Variants in PTPRT observed in about 807,000 individuals in gnomAD.
The protein encoded by PTPRT is receptor-type tyrosine-protein phosphatase T.
PTPRT carries 56 observed loss-of-function variants against 176.8 expected under a neutral mutation model. The observed-to-expected ratio is 0.32, with a 90% confidence interval of 0.26 to 0.40. The LOEUF is 0.40. Ranked by LOEUF, PTPRT falls within the 10% of genes least tolerant of loss-of-function variation. The probability of loss-of-function intolerance (pLI) is 1.00; values close to 1 mark genes in which losing one functional copy is unlikely to be tolerated. For synonymous variants in PTPRT, 783 were observed against 739.0 expected, an observed-to-expected ratio of 1.06 and a Z score of -0.96; for missense variants, 1,540 against 1,908.2, an observed-to-expected ratio of 0.81 and a Z score of 3.60.
intron 7 of PTPRT, among the ~76,000 whole-genome samples, chr20:42,509,600 A>G (rs2071917040): frequency 6.7e-6 from 1 of 148,648 alleles, no homozygotes; most frequent in African/African-American, 2.4e-5. Context: ...TTATTCATTT[A>G]TCAATGCCCG....
intron 9 of PTPRT, among the ~76,000 whole-genome samples, chr20:42,434,242 T>A (rs2059241450): frequency 1.3e-5 from 2 of 152,172 alleles, no homozygotes; most frequent in Admixed American, 6.5e-5. Flanking sequence ...CTAAATTATT[T>A]TAAAAATCAA....
intron 12 of PTPRT, among the ~76,000 whole-genome samples, chr20:42,285,066 G>A (rs2057207172): frequency 6.6e-6 from 1 of 151,798 alleles, no homozygotes; most frequent in South Asian, 2.1e-4. Flanking sequence ...TCTTGCATAT[G>A]ACAATTAAAG....
At position 42,184,541 on chromosome 20, in the gene PTPRT, C is replaced by CTCTTCCTCT. The variant is rs1555797959; in HGVS notation, c.2491+14698_2491+14699insAGAGGAAGA. ...CTCCTTCTTCTTCTTCTTCCTCTTC[C>CTCTTCCTCT]TCTTCTTCTTCTTCTTCTTATTCTT... On this transcript the variant is annotated intron_variant, in intron 16 of 30. Transcript: ENST00000373187. 3.1e-3 allele frequency among the ~76,000 whole-genome samples: 286 copies of CTCTTCCTCT among 91,622 alleles called. 6 individuals carry two copies. Among genetic ancestry groups the CTCTTCCTCT allele is most frequent in the African/African-American group, 0.013 (276 of 21,684 alleles). The allele number at this position is 91,622 out of a possible 152,430, so 60.1% of individuals were successfully genotyped here.
intron 11 of PTPRT, among the ~76,000 whole-genome samples, chr20:42,344,713 G>A (rs902755397): frequency 9.2e-5 from 14 of 152,182 alleles, no homozygotes; most frequent in African/African-American, 3.4e-4. Flanking sequence ...AGGACAAACA[G>A]TTGGGCACTC....
intron 15 of PTPRT, among the ~76,000 whole-genome samples, chr20:42,208,586 A>G (rs1377908680): frequency 6.6e-6 from 1 of 152,050 alleles, no homozygotes; most frequent in Non-Finnish European, 1.5e-5. Context: ...TTCAACAAGA[A>G]GAGCTAACTA....
intron 7 of PTPRT, among the ~76,000 whole-genome samples, chr20:42,653,006 T>C (rs1346455984): frequency 6.6e-6 from 1 of 152,128 alleles, no homozygotes; most frequent in Admixed American, 6.5e-5. Context: ...AGCAGATAAA[T>C]AAGACTAACA....
At chr20:42,881,677 A>T (rs1450349853) in intron 2 of PTPRT, among the ~76,000 whole-genome samples, 1 of 148,992 alleles carries the variant, frequency 6.7e-6, no homozygotes, top group Non-Finnish European at 1.5e-5. Context: ...GTGAGCTGAG[A>T]TAACGCCACA....
At chr20:42,714,812 T>A (rs1385453433) in intron 6 of PTPRT, among the ~76,000 whole-genome samples, 1 of 152,230 alleles carries the variant, frequency 6.6e-6, no homozygotes, top group Non-Finnish European at 1.5e-5. Context: ...GGCTGCTGAC[T>A]CATCTGGAAT....
At chr20:43,065,076 G>C (rs1445523809) in intron 1 of PTPRT, among the ~76,000 whole-genome samples, 1 of 152,116 alleles carries the variant, frequency 6.6e-6, no homozygotes, top group East Asian at 1.9e-4. Flanking sequence ...TAAACTGAAG[G>C]AAACTCCAAA....
At chr20:42,264,226 A>C (rs1194042163) in intron 13 of PTPRT, among the ~76,000 whole-genome samples, 1 of 152,198 alleles carries the variant, frequency 6.6e-6, no homozygotes, top group Non-Finnish European at 1.5e-5. Context: ...GTTTTGAAGA[A>C]GCACAAACAT....
chr20:42,268,984 T>C (rs987718033), intron 13 of PTPRT, among the ~76,000 whole-genome samples: 2 of 152,166 alleles, frequency 1.3e-5, no homozygotes, highest in African/African-American at 4.8e-5. Flanking sequence ...TGCATTCCCA[T>C]GGCAGCCCAC....
intron 6 of PTPRT, among the ~76,000 whole-genome samples, chr20:42,697,074 T>C (rs932227002): frequency 2.0e-5 from 3 of 152,200 alleles, no homozygotes; most frequent in Non-Finnish European, 4.4e-5. Flanking sequence ...TAAAAAAGTC[T>C]TAGCTTGAAG....
chr20:42,610,357 G>T (rs2073952981), intron 7 of PTPRT, among the ~76,000 whole-genome samples: 1 of 150,882 alleles, frequency 6.6e-6, no homozygotes, highest in Non-Finnish European at 1.5e-5. Flanking sequence ...TAAATATGTA[G>T]ATCTGCGGGT....
At chr20:42,457,222 T>C (rs1040748567) in intron 8 of PTPRT, among the ~76,000 whole-genome samples, 2 of 152,166 alleles carry the variant, frequency 1.3e-5, no homozygotes, top group African/African-American at 4.8e-5. Flanking sequence ...TATCCCTAAA[T>C]ACAATAGAGT....
intron 8 of PTPRT, among the ~76,000 whole-genome samples, chr20:42,455,995 T>A (rs1293078959): frequency 6.6e-6 from 1 of 152,068 alleles, no homozygotes; most frequent in Non-Finnish European, 1.5e-5. Context: ...GTATTATAGA[T>A]CAAATGGGAG....
At chr20:42,859,695 T>C (rs976515241) in intron 2 of PTPRT, among the ~76,000 whole-genome samples, 13 of 151,464 alleles carry the variant, frequency 8.6e-5, no homozygotes, top group African/African-American at 3.2e-4. Context: ...ACCATTCTCC[T>C]GCCTCAGCCT....
rs2145551275 is a variant in PTPRT at position 42,791,458 on chromosome 20, T to A, written c.223A>T (p.Met75Leu). ...LDQAVPTGSF[M>L]MVNSSGRASG... Reference sequence around the variant, plus strand: ...GCTCTCCCAGAGCTGTTCACCATCATGAAAGATCCTGGAGACCCACAAAGC... The same window carrying A: ...GCTCTCCCAGAGCTGTTCACCATCAAGAAAGATCCTGGAGACCCACAAAGC... Residue 75 changes from methionine to leucine, a missense_variant, in exon 3 of 31, where the codon ATG (methionine) becomes TTG (leucine). Met to Leu is a conservative substitution (Grantham distance 15). Around this residue, in one of 11 missense-constraint regions of PTPRT, gnomAD observed 116 missense variants for 118.5 expected, o/e 0.98. Transcript: ENST00000373187. 1.2e-6 allele frequency: 2 copies of A among 1,610,266 alleles called. No individual in the cohort carries two copies. The highest frequency in any genetic ancestry group is 1.7e-6 in the Non-Finnish European group (2 of 1,178,048).
At chr20:42,447,261 G>A (rs565079054) in intron 9 of PTPRT, among the ~76,000 whole-genome samples, 41 of 152,068 alleles carry the variant, frequency 2.7e-4, no homozygotes, top group African/African-American at 9.2e-4. Flanking sequence ...TTTCCCCCTC[G>A]TCAGATTCCC....
At chr20:42,358,954 G>A (rs762738688) in intron 9 of PTPRT, among the ~76,000 whole-genome samples, 3 of 152,104 alleles carry the variant, frequency 2.0e-5, no homozygotes, top group Admixed American at 6.5e-5. Flanking sequence ...ATTTTATTTC[G>A]AGGGTAATAT....
Sources: gnomAD v4.1 joint callset for allele counts (sites outside exome capture counted in the v4.1 genomes callset) on GRCh38, gnomAD v4.1.1 for gene constraint, gnomAD v4.1.1 regional missense constraint, MANE v1.5 for transcripts, NCBI Gene and HGNC (gene_info 2026-07-23, HGNC 2026-07-21) for gene names.